The following FAM107B variants were observed in gnomAD, a reference collection of about 807,000 sequenced individuals.
FAM107B encodes the protein protein FAM107B.
A neutral mutation model predicts 31.5 loss-of-function variants in FAM107B; 21 were observed. The ratio of observed to expected loss-of-function variants is 0.67; its 90% confidence interval spans 0.47 to 0.96. The LOEUF (loss-of-function observed/expected upper bound fraction) is 0.96. Among genes scored for constraint, FAM107B ranks in the 40% least tolerant of loss-of-function variants. FAM107B has a pLI of 0.00. For missense variants in FAM107B, 452 were observed against 377.1 expected, an observed-to-expected ratio of 1.20 and a Z score of -1.64; for synonymous variants, 157 against 141.5, an observed-to-expected ratio of 1.11 and a Z score of -0.78.
intron 2 of FAM107B, among the ~76,000 whole-genome samples, chr10:14,575,738 C>G (rs1237734587): frequency 1.3e-5 from 2 of 152,174 alleles, no homozygotes. Flanking sequence ...TGTGCACGGG[C>G]TCACAAAACA....
intron 2 of FAM107B, among the ~76,000 whole-genome samples, chr10:14,548,278 T>C (rs990039058): frequency 6.6e-6 from 1 of 151,570 alleles, no homozygotes; most frequent in Non-Finnish European, 1.5e-5. Context: ...CACCCGAGGG[T>C]CAACAACTGG....
At position 14,774,842 on chromosome 10, in the gene FAM107B, C is replaced by G. The variant is rs987361795; in HGVS notation, c.-179G>C. 5.9e-6 allele frequency: 4 copies of G among 680,738 alleles called. No homozygotes were observed. Among genetic ancestry groups the G allele is most frequent in the African/African-American group, 5.4e-5 (3 of 55,122 alleles). 42.2% of individuals were successfully genotyped at this position (680,738 alleles called of 1,614,324 possible). Reference sequence around the variant, plus strand: ...CCACCTTCCCTGAGAGTCACTTAGCCGCTGGGGCCCCTTTGAAAGTGTCCA... The same window carrying G: ...CCACCTTCCCTGAGAGTCACTTAGCGGCTGGGGCCCCTTTGAAAGTGTCCA... On this transcript the variant is annotated 5_prime_UTR_variant, in exon 1 of 5. Coordinates refer to ENST00000181796, the MANE Select transcript of FAM107B (RefSeq NM_031453.4).
At position 14,521,220 on chromosome 10, in the gene FAM107B, G is replaced by T; in HGVS notation, c.891C>A (p.Gly297=). 1 of 1,614,162 alleles carries T rather than the reference G, an allele frequency of 6.2e-7. No individual in the cohort carries two copies. The highest frequency in any genetic ancestry group is 8.5e-7 in the Non-Finnish European group (1 of 1,180,012). The change falls in exon 5 of 5, where the codon GGC becomes GGA. Residue 297 remains glycine (G), a synonymous_variant. Coordinates refer to ENST00000181796, the MANE Select transcript of FAM107B (RefSeq NM_031453.4). ...ACTCCTGGGCTTGGGCGACTTCTTG[G>T]CCTGTTCTCCTGAGATTGCCTTTCA... ...VKVKGNLRRT[G]QEVAQAQES
intron 1 of FAM107B, among the ~76,000 whole-genome samples, chr10:14,680,545 G>C (rs553605136): frequency 1.1e-4 from 16 of 147,206 alleles, no homozygotes; most frequent in Non-Finnish European, 1.8e-4. Context: ...CTGCACTCCA[G>C]CCTGGGCAAC....
At chr10:14,545,349 C>T (rs914124426) in intron 2 of FAM107B, among the ~76,000 whole-genome samples, 4 of 152,024 alleles carry the variant, frequency 2.6e-5, no homozygotes, top group Admixed American at 1.3e-4. Flanking sequence ...AGTGGTTTAG[C>T]GCTTCTGTTA....
chr10:14,600,510 C>T (rs1852358007), intron 2 of FAM107B, among the ~76,000 whole-genome samples: 1 of 152,148 alleles, frequency 6.6e-6, no homozygotes, highest in African/African-American at 2.4e-5. Context: ...AAACCCAACC[C>T]CCACCTTCAA....
chr10:14,566,019 C>G (rs573144291), intron 2 of FAM107B, among the ~76,000 whole-genome samples: 1 of 152,182 alleles, frequency 6.6e-6, no homozygotes, highest in Admixed American at 6.5e-5. Context: ...ACCTTCACAG[C>G]CCCCATGCCT....
At chr10:14,692,717 T>A (rs1444497889) in intron 1 of FAM107B, among the ~76,000 whole-genome samples, 6 of 152,146 alleles carry the variant, frequency 3.9e-5, no homozygotes, top group Non-Finnish European at 8.8e-5. Context: ...ATGCAATTGA[T>A]CAACAAAGAA....
intron 1 of FAM107B, among the ~76,000 whole-genome samples, chr10:14,724,445 T>C (rs906270758): frequency 6.6e-6 from 1 of 152,250 alleles, no homozygotes; most frequent in Non-Finnish European, 1.5e-5. Flanking sequence ...ATCTTAATTC[T>C]ATTCCATTGA....
In FAM107B at chr10:14,726,283, G is replaced by A. The variant is rs117999879; in HGVS notation, c.411+47970C>T. ...ACTGGGATTACAGGCGTGAGCCACC[G>A]TGCCTGGCCAAAAGCAGTCAAATCC... On this transcript the variant is annotated intron_variant, in intron 1 of 4. Coordinates refer to ENST00000181796, the MANE Select transcript of FAM107B (RefSeq NM_031453.4). Among the ~76,000 whole-genome samples, 533 of 152,246 alleles carry A rather than the reference G, an allele frequency of 3.5e-3. 12 individuals carry two copies. The East Asian group carries it at 0.046, about 13-fold the overall frequency.
chr10:14,649,634 A>AC (rs1286736222), intron 2 of FAM107B, among the ~76,000 whole-genome samples: 1 of 152,202 alleles, frequency 6.6e-6, no homozygotes, highest in East Asian at 1.9e-4. Context: ...TGACCTGGAC[A>AC]CCCCCCACTT....
chr10:14,610,278 G>A (rs918477317), intron 2 of FAM107B, among the ~76,000 whole-genome samples: 1 of 152,066 alleles, frequency 6.6e-6, no homozygotes, highest in Non-Finnish European at 1.5e-5. Flanking sequence ...GGGAGGCAGA[G>A]CTTGCAGTGA....
intron 1 of FAM107B, among the ~76,000 whole-genome samples, chr10:14,709,562 C>T (rs969851901): frequency 6.6e-6 from 1 of 152,188 alleles, no homozygotes; most frequent in African/African-American, 2.4e-5. Context: ...AATTACCTCC[C>T]ACGTGGTTCT....
intron 2 of FAM107B, among the ~76,000 whole-genome samples, chr10:14,570,732 GCAGAGGTTGCAGTGGGCTAAGACT>G (rs547185736): frequency 0.011 from 1,606 of 151,936 alleles, 29 homozygotes; most frequent in African/African-American, 0.037. Flanking sequence ...AACCTGGGAG[GCAGAGGTTGCAGTGGGCTAAGACT>G]GCACCACTGC....
chr10:14,696,228 T>C (rs1213906828), intron 1 of FAM107B, among the ~76,000 whole-genome samples: 1 of 152,210 alleles, frequency 6.6e-6, no homozygotes, highest in Non-Finnish European at 1.5e-5. Context: ...CTGCATCAAC[T>C]GAGGTAACCA....
intron 2 of FAM107B, among the ~76,000 whole-genome samples, chr10:14,641,811 T>C (rs1341690126): frequency 6.6e-6 from 1 of 152,330 alleles, no homozygotes; most frequent in African/African-American, 2.4e-5. Flanking sequence ...ATTCAGTTTA[T>C]AGCATTATAT....
chr10:14,741,633 C>T (rs1455475465), intron 1 of FAM107B, among the ~76,000 whole-genome samples: 7 of 151,964 alleles, frequency 4.6e-5, no homozygotes, highest in Admixed American at 4.6e-4. Flanking sequence ...AATCCAGTCA[C>T]CAGCACTGTT....
chr10:14,735,978 G>T (rs1856290714), intron 1 of FAM107B, among the ~76,000 whole-genome samples: 1 of 152,198 alleles, frequency 6.6e-6, no homozygotes, highest in Non-Finnish European at 1.5e-5. Context: ...GGTAGGGAAT[G>T]ATTATAGGTT....
chr10:14,698,835 G>A (rs997390333), intron 1 of FAM107B, among the ~76,000 whole-genome samples: 14 of 152,206 alleles, frequency 9.2e-5, no homozygotes, highest in Non-Finnish European at 1.8e-4. Context: ...TGGTGCAAAA[G>A]CAATTGCAGT....
Sources: gnomAD v4.1 joint callset for allele counts (sites outside exome capture counted in the v4.1 genomes callset) on GRCh38, gnomAD v4.1.1 for gene constraint, MANE v1.5 for transcripts, NCBI Gene and HGNC (gene_info 2026-07-23, HGNC 2026-07-21) for gene names.